The following TENT2 variants were observed in gnomAD, a reference collection of about 807,000 sequenced individuals.
TENT2 encodes the protein terminal nucleotidyltransferase 2, also known as poly(A) RNA polymerase GLD2.
Under a neutral mutation model 72.2 loss-of-function variants are expected in TENT2, and 44 were observed. That is an observed-to-expected ratio of 0.61 (90% CI 0.48 to 0.78). TENT2 has a LOEUF of 0.78. TENT2 is among the 30% of genes least tolerant of loss of function. TENT2 has a pLI of 0.00. For missense variants in TENT2, 541 were observed against 569.6 expected (o/e 0.95, Z 0.51); for synonymous variants, 212 against 192.5 (o/e 1.10, Z -0.84).
At chr5:79,646,896 G>A (rs1353666357) in intron 8 of TENT2, among the ~76,000 whole-genome samples, 3 of 151,728 alleles carry the variant, frequency 2.0e-5, no homozygotes, top group African/African-American at 4.8e-5. Flanking sequence ...AGCCTACTGA[G>A]TAGGTAGGAC....
chr5:79,629,859 C>A (rs1773756000), intron 4 of TENT2, among the ~76,000 whole-genome samples: 1 of 151,246 alleles, frequency 6.6e-6, no homozygotes. Flanking sequence ...ATAGGCCGGG[C>A]ACAGTGGCTC....
intron 14 of TENT2, among the ~76,000 whole-genome samples, chr5:79,683,653 C>T (rs967464325): frequency 2.0e-5 from 3 of 152,034 alleles, no homozygotes; most frequent in Admixed American, 6.5e-5. Context: ...CGGTGGCTCA[C>T]GCCTGTAATC....
At position 79,641,194 on chromosome 5, in the gene TENT2, C is replaced by A; in HGVS notation, c.670C>A (p.Pro224Thr). The A allele has an allele frequency of 6.5e-7, 1 of 1,549,638 alleles. No individual in the cohort carries two copies. The highest frequency in any genetic ancestry group is 8.6e-7 in the Non-Finnish European group (1 of 1,156,286). The change falls in exon 6 of 15, where the codon CCA (proline) becomes ACA (threonine). Residue 224 changes from proline to threonine, a missense_variant and splice_region_variant. Physicochemically the swap from Pro to Thr is conservative, Grantham distance 38. Transcript: ENST00000453514. ...TTTATGCCTAGTTGTTAAGGAAGAA[C>A]CAGTAAGTAAGGAAACATTTATTCC... The part of the protein sequence containing the change: ...GDLCLVVKEE[P>T]CFFQVNQKTE...
chr5:79,649,417 A>G (rs532135597), intron 10 of TENT2, among the ~76,000 whole-genome samples: 4 of 124,494 alleles, frequency 3.2e-5, no homozygotes, highest in Admixed American at 1.7e-4. Context: ...AAGTTTTTCT[A>G]TAGTCACTTT....
At chr5:79,663,841 A>G (rs888959482) in intron 11 of TENT2, among the ~76,000 whole-genome samples, 2 of 152,198 alleles carry the variant, frequency 1.3e-5, no homozygotes. Context: ...TAAACCTTCA[A>G]TTTGTAAAAA....
In TENT2 at chr5:79,627,981, T is replaced by C. The variant is rs962295040; in HGVS notation, c.465+4492T>C. On this transcript the variant is annotated intron_variant, in intron 4 of 14. Transcript: ENST00000453514. ...CCCCATGACATGGATATTATCCTAATGTTATTGAGGCTCAGAAAGCTAAAT... is the reference window on the plus strand; with the variant it reads ...CCCCATGACATGGATATTATCCTAACGTTATTGAGGCTCAGAAAGCTAAAT... Among the ~76,000 whole-genome samples the C allele has an allele frequency of 5.2e-4, 79 of 152,246 alleles. 1 individual carries two copies. The highest frequency in any genetic ancestry group is 5.1e-3 in the Admixed American group (78 of 15,282).
Position 79,685,402 on chromosome 5 carries a change from G to T in TENT2, c.*129G>T, listed in dbSNP as rs1413088768. 1 of 557,300 alleles carries T rather than the reference G, an allele frequency of 1.8e-6. No individual in the cohort carries two copies. The highest frequency in any genetic ancestry group is 3.0e-6 in the Non-Finnish European group (1 of 337,650). 34.5% of individuals were successfully genotyped at this position (557,300 alleles called of 1,614,324 possible). A position where few individuals can be genotyped will look rare whatever the true frequency, so the allele number is the denominator to read the frequency against. ...TGTTTTCATGTTTTATTTTTAAAAAGACATATAAAGATTGCATATTTTATT... is the reference window on the plus strand; with the variant it reads ...TGTTTTCATGTTTTATTTTTAAAAATACATATAAAGATTGCATATTTTATT... On this transcript the variant is annotated 3_prime_UTR_variant, in exon 15 of 15. Transcript: ENST00000453514.
chr5:79,658,012 A>G (rs1254661568), intron 11 of TENT2, among the ~76,000 whole-genome samples: 1 of 152,210 alleles, frequency 6.6e-6, no homozygotes, highest in Non-Finnish European at 1.5e-5. Context: ...AGAAGAACCA[A>G]TGTTCTTGGT....
intron 12 of TENT2, among the ~76,000 whole-genome samples, chr5:79,672,512 GAGTTCA>G (rs1813722690): frequency 6.6e-6 from 1 of 152,136 alleles, no homozygotes; most frequent in African/African-American, 2.4e-5. Flanking sequence ...TTATCTCCAT[GAGTTCA>G]ATTGTTTTAA....
intron 12 of TENT2, among the ~76,000 whole-genome samples, chr5:79,675,895 C>G (rs1481473693): frequency 6.6e-6 from 1 of 151,970 alleles, no homozygotes; most frequent in East Asian, 1.9e-4. Flanking sequence ...TTATTGGAGC[C>G]TAAGGTGTGT....
At position 79,661,694 on chromosome 5, in the gene TENT2, G is replaced by A. The variant is rs1478480315; in HGVS notation, c.1071+4693G>A. Among the ~76,000 whole-genome samples the A allele has an allele frequency of 2.6e-5, 4 of 152,354 alleles. No individual in the cohort carries two copies. The South Asian group carries it at 8.3e-4, about 32-fold the overall frequency. On this transcript the variant is annotated intron_variant, in intron 11 of 14. Coordinates refer to ENST00000453514, the MANE Select transcript of TENT2 (RefSeq NM_001114394.3). ...ATCAGCTGAGCCTTCAGCACCAGTT[G>A]TGGAGAGTCTTGCTTTGATACTGAC...
At chr5:79,674,458 A>T (rs1815605397) in intron 12 of TENT2, among the ~76,000 whole-genome samples, 1 of 152,216 alleles carries the variant, frequency 6.6e-6, no homozygotes, top group Non-Finnish European at 1.5e-5. Context: ...GAGATAGAAC[A>T]GTCATATACA....
chr5:79,622,873 A>C (rs1374349815), intron 3 of TENT2, among the ~76,000 whole-genome samples: 1 of 152,158 alleles, frequency 6.6e-6, no homozygotes, highest in Non-Finnish European at 1.5e-5. Context: ...CTTTTTTATA[A>C]CTAGCACTCA....
rs934836305 is a variant in TENT2 at position 79,612,935 on chromosome 5, T to A, written c.-178T>A. Reference sequence around the variant, plus strand: ...GGGCGGCATCTGGGCTGCTGTACATTTTGAAGAATCTTAGGACCGCTTACT... The same window carrying A: ...GGGCGGCATCTGGGCTGCTGTACATATTGAAGAATCTTAGGACCGCTTACT... On this transcript the variant is annotated 5_prime_UTR_variant, in exon 1 of 15. Transcript: ENST00000453514. 2 of 152,192 alleles carry A rather than the reference T, an allele frequency of 1.3e-5. No individual in the cohort carries two copies. The highest frequency in any genetic ancestry group is 2.9e-5 in the Non-Finnish European group (2 of 68,044). 9.4% of individuals were successfully genotyped at this position (152,192 alleles called of 1,614,324 possible).
rs80269155 is a variant in TENT2, at chr5:79,663,931, T to C, written c.1072-4961T>C. On this transcript the variant is annotated intron_variant, in intron 11 of 14. Transcript: ENST00000453514. ...GTATATATACAGTGGGCGCTCTGTA[T>C]GTGGGTTATGCATCCATAGATTCAA... 5.1e-3 allele frequency among the ~76,000 whole-genome samples: 784 copies of C among 152,298 alleles called. 2 individuals are homozygous for C. The highest frequency in any genetic ancestry group is 0.018 in the African/African-American group (736 of 41,556).
intron 11 of TENT2, among the ~76,000 whole-genome samples, chr5:79,666,761 G>T (rs1313829639): frequency 6.6e-6 from 1 of 152,164 alleles, no homozygotes; most frequent in Non-Finnish European, 1.5e-5. Flanking sequence ...CCATATAGAA[G>T]ATTAGCCAGT....
At chr5:79,654,960 A>G (rs968872665) in intron 10 of TENT2, among the ~76,000 whole-genome samples, 9 of 152,144 alleles carry the variant, frequency 5.9e-5, no homozygotes, top group African/African-American at 9.7e-5. Context: ...AATTTTGTAG[A>G]TTAGCTGTAT....
At chr5:79,620,991 T>C (rs1764298326) in intron 3 of TENT2, among the ~76,000 whole-genome samples, 1 of 152,148 alleles carries the variant, frequency 6.6e-6, no homozygotes, top group Non-Finnish European at 1.5e-5. Context: ...AGGTAGTTAT[T>C]GAAATAACAT....
At chr5:79,637,380 C>G (rs1460433693) in intron 4 of TENT2, among the ~76,000 whole-genome samples, 1 of 151,932 alleles carries the variant, frequency 6.6e-6, no homozygotes, top group Admixed American at 6.6e-5. Context: ...TTCTTTCCTC[C>G]TGTTATTTGT....
Sources: gnomAD v4.1 joint callset for allele counts (sites outside exome capture counted in the v4.1 genomes callset) on GRCh38, gnomAD v4.1.1 for gene constraint, MANE v1.5 for transcripts, NCBI Gene and HGNC (gene_info 2026-07-23, HGNC 2026-07-21) for gene names.